The following DNAH2 variants were observed in gnomAD, a reference collection of about 807,000 sequenced individuals.
DNAH2 encodes dynein axonemal heavy chain 2.
A neutral mutation model predicts 523.5 loss-of-function variants in DNAH2; 323 were observed. The observed-to-expected ratio is 0.62, with a 90% CI of 0.56 to 0.68. The LOEUF is 0.68. Among genes scored for constraint, DNAH2 ranks in the 30% least tolerant of loss-of-function variants. The pLI is 0.00. For synonymous variants in DNAH2, 2,093 were observed against 2,177.4 expected (o/e 0.96, Z 1.08); for missense variants, 4,907 against 5,701.5 (o/e 0.86, Z 4.49).
intron 44 of DNAH2, among the ~76,000 whole-genome samples, chr17:7,790,618 T>C (rs1423904810): frequency 6.6e-6 from 1 of 152,248 alleles, no homozygotes; most frequent in African/African-American, 2.4e-5. Context: ...AAGTCCTTTT[T>C]GTTCCCCTCT....
rs1484152941 is a variant in DNAH2, at chr17:7,720,992, T to TTTTC, written c.166+1104_166+1107dup. ...CTGCCTCTCCCAGCTCCAAGCTTTCTTTTCTTTCTTTCTTTTTTTTTTTTT... is the reference window on the plus strand; with the variant it reads ...CTGCCTCTCCCAGCTCCAAGCTTTCTTTTCTTTCTTTCTTTCTTTTTTTTTTTTT... On this transcript the variant is annotated intron_variant, in intron 2 of 85. Transcript: ENST00000572933. 2.3e-3 allele frequency among the ~76,000 whole-genome samples: 329 copies of TTTTC among 144,586 alleles called. 3 individuals carry two copies. Among genetic ancestry groups the TTTTC allele is most frequent in the South Asian group, 4.6e-3 (21 of 4,582 alleles). The allele number at this position is 144,586 out of a possible 152,430, so 94.9% of individuals were successfully genotyped here.
At chr17:7,736,698 T>G (rs1327837919) in intron 7 of DNAH2, among the ~76,000 whole-genome samples, 1 of 152,138 alleles carries the variant, frequency 6.6e-6, no homozygotes, top group Non-Finnish European at 1.5e-5. Flanking sequence ...AAAGCACTTG[T>G]GGGCTGGGCG....
rs200561118 is a variant in DNAH2, at chr17:7,737,218, A to T, written c.1130A>T (p.His377Leu). 1 of 1,614,052 alleles carries T rather than the reference A, an allele frequency of 6.2e-7. No individual in the cohort carries two copies. The highest frequency in any genetic ancestry group is 2.2e-5 in the East Asian group (1 of 44,866). The change falls in exon 8 of 86, where the codon CAC (histidine) becomes CTC (leucine). Residue 377 changes from histidine to leucine, a missense_variant. Transcript: ENST00000572933. ...LIRIIWVNSP[H>L]YNTRERLTSL... is the part of the protein sequence containing the mutation. ...CGCATCATCTGGGTCAACTCTCCCCACTACAACACTCGGGAGAGACTGACC... is the reference window on the plus strand; with the variant it reads ...CGCATCATCTGGGTCAACTCTCCCCTCTACAACACTCGGGAGAGACTGACC...
Position 7,760,011 on chromosome 17 carries a change from G to T in DNAH2, c.2785+73G>T, listed in dbSNP as rs1434261500. 2 of 1,603,276 alleles carry T rather than the reference G, an allele frequency of 1.2e-6. No individual in the cohort carries two copies. Among genetic ancestry groups the T allele is most frequent in the African/African-American group, 1.3e-5 (1 of 74,890 alleles). ...TCGAGTGGGCCAGGCCAGGAGGAGA[G>T]ACCAGGGCTATTTCCAGGCATACTG... On this transcript the variant is annotated intron_variant, in intron 17 of 85. Coordinates refer to ENST00000572933, the MANE Select transcript of DNAH2 (RefSeq NM_020877.5). The surrounding 1 kb of genome is among the most constrained non-coding windows in gnomAD (Gnocchi z 4.0).
chr17:7,772,733 A>G (rs879880865), intron 28 of DNAH2, among the ~76,000 whole-genome samples: 17 of 150,748 alleles, frequency 1.1e-4, no homozygotes, highest in Non-Finnish European at 2.1e-4. Context: ...ATACATTTCA[A>G]TTACTACTCA....
At chr17:7,793,882 T>A (rs12942745) in intron 48 of DNAH2, among the ~76,000 whole-genome samples, 1 of 151,682 alleles carries the variant, frequency 6.6e-6, no homozygotes, top group South Asian at 2.1e-4. Flanking sequence ...AGAGAGAACA[T>A]ACACACACAC....
intron 7 of DNAH2, 131 bp from the exon 8 acceptor site, chr17:7,736,936 C>T (rs1471126991): frequency 2.8e-5 from 22 of 775,770 alleles, no homozygotes; most frequent in Non-Finnish European, 2.8e-5. Flanking sequence ...GAGCTGAGAT[C>T]GCGCCATTGC....
Position 7,831,488 on chromosome 17 carries a change from T to C in DNAH2, c.12558T>C (p.Asn4186=), listed in dbSNP as rs752005166. 1.2e-6 allele frequency: 2 copies of C among 1,614,058 alleles called. No homozygotes were observed. The highest frequency in any genetic ancestry group is 2.7e-5 in the African/African-American group (2 of 74,910). The change falls in exon 81 of 86, where the codon AAT becomes AAC. Residue 4186 remains asparagine, a synonymous_variant. Transcript: ENST00000572933. This position sits in a 1 kb window ranked among gnomAD's most constrained non-coding sequence, Gnocchi z 4.2. ...TAGCTCTCGACCCCTCCCCCCTCAA[T>C]GTGGTCCTTCTGCAGGAGATCCAGA... The part of the protein sequence containing the change: ...KLLALDPSPL[N]VVLLQEIQRY...
chr17:7,743,356 T>A, intron 12 of DNAH2: 1 of 713,078 alleles, frequency 1.4e-6, no homozygotes. Flanking sequence ...CAACTTATCT[T>A]AAAACACAAC....
intron 13 of DNAH2, 26 bp downstream of exon 13, chr17:7,757,263 C>T (rs2151191357): frequency 6.2e-7 from 1 of 1,606,748 alleles, no homozygotes. Flanking sequence ...TCACTGCAGC[C>T]CTTCAAGATG....
chr17:7,733,699 G>A (rs1196208636), intron 5 of DNAH2, among the ~76,000 whole-genome samples: 3 of 151,832 alleles, frequency 2.0e-5, no homozygotes, highest in Non-Finnish European at 2.9e-5. Flanking sequence ...GGCTGGTCTC[G>A]AACTCCTGAC....
At chr17:7,750,115 C>T (rs1261632571) in intron 12 of DNAH2, among the ~76,000 whole-genome samples, 1 of 152,104 alleles carries the variant, frequency 6.6e-6, no homozygotes, top group Admixed American at 6.5e-5. Flanking sequence ...ATTCTCCTAC[C>T]TCAGGTGATC....
intron 4 of DNAH2, among the ~76,000 whole-genome samples, chr17:7,732,490 A>G (rs1041523096): frequency 6.6e-6 from 1 of 151,820 alleles, no homozygotes; most frequent in Non-Finnish European, 1.5e-5. Context: ...GCACTAAAAA[A>G]CCCAAACGAA....
At chr17:7,781,300 C>T (rs2076599704) in intron 39 of DNAH2, 133 bp downstream of exon 39, 4 of 1,022,146 alleles carry the variant, frequency 3.9e-6, no homozygotes, top group African/African-American at 1.6e-5. Flanking sequence ...CATGGTGAAA[C>T]CCTGTATCTA....
Position 7,724,024 on chromosome 17 carries a change from T to C in DNAH2, c.228+335T>C, listed in dbSNP as rs2074715948. On this transcript the variant is annotated intron_variant, in intron 3 of 85. Coordinates refer to ENST00000572933, the MANE Select transcript of DNAH2 (RefSeq NM_020877.5). ...ATTGTCCTAATTGGATACTAATTTC[T>C]AAGACATGCTCTTTCCACCTTTCCT... 1.1e-4 allele frequency among the ~76,000 whole-genome samples: 17 copies of C among 152,272 alleles called. No individual in the cohort carries two copies. The South Asian group carries it at 3.3e-3, about 30-fold the overall frequency.
At chr17:7,787,392 A>G in intron 42 of DNAH2, 1 of 347,808 alleles carries the variant, frequency 2.9e-6, no homozygotes. Flanking sequence ...AATGCGAGCA[A>G]GAGAGTGATT....
In DNAH2 at chr17:7,799,252, G is replaced by A; in HGVS notation, c.8699+10G>A. 1 of 1,613,230 alleles carries A rather than the reference G, an allele frequency of 6.2e-7. No homozygotes were observed. The highest frequency in any genetic ancestry group is 1.1e-5 in the South Asian group (1 of 91,054). ...TGGGGGATCCCTTCAGGTGACTTCTGTGACATCCTTCTCTCAGCCCCTTCT... is the reference window on the plus strand; with the variant it reads ...TGGGGGATCCCTTCAGGTGACTTCTATGACATCCTTCTCTCAGCCCCTTCT... On this transcript the variant is annotated intron_variant, in intron 56 of 85. Transcript: ENST00000572933.
At chr17:7,753,632 G>A (rs934241021) in intron 12 of DNAH2, among the ~76,000 whole-genome samples, 1 of 152,112 alleles carries the variant, frequency 6.6e-6, no homozygotes. Context: ...TGAAGAAAGT[G>A]GGGTGTAGTC....
At position 7,768,214 on chromosome 17, in the gene DNAH2, C is replaced by G. The variant is rs1228158175; in HGVS notation, c.3888C>G (p.Phe1296Leu). ...IETTRSKIEQFKRTMPLISDL... is the reference protein window; with the variant it reads ...IETTRSKIEQLKRTMPLISDL... ...CCACTCGCTCAAAAATAGAGCAGTTCAAGAGGACCATGCCTCTCATCTCAG... is the reference window on the plus strand; with the variant it reads ...CCACTCGCTCAAAAATAGAGCAGTTGAAGAGGACCATGCCTCTCATCTCAG... Residue 1296 changes from phenylalanine (F) to leucine (L), a missense_variant, in exon 24 of 86, where the codon TTC (phenylalanine) becomes TTG (leucine). By Grantham distance (22) the Phe-to-Leu change is conservative (BLOSUM62 0). Transcript: ENST00000572933. 6 of 1,614,040 alleles carry G rather than the reference C, an allele frequency of 3.7e-6. No individual in the cohort carries two copies. In the Admixed American group the frequency reaches 8.3e-5, roughly 22 times the overall value.
Sources: gnomAD v4.1 joint callset for allele counts (sites outside exome capture counted in the v4.1 genomes callset) on GRCh38, gnomAD v4.1.1 for gene constraint, Gnocchi (gnomAD v3.1) non-coding constraint, MANE v1.5 for transcripts, NCBI Gene and HGNC (gene_info 2026-07-23, HGNC 2026-07-21) for gene names.